The following EVL variants were observed in gnomAD, a reference collection of about 807,000 sequenced individuals.
EVL encodes the protein Enah/Vasp-like, also known as ena/VASP-like protein.
Under a neutral mutation model 59.6 loss-of-function variants are expected in EVL, and 21 were observed. The ratio of observed to expected loss-of-function variants is 0.35; its 90% CI spans 0.25 to 0.51. The LOEUF is 0.51. Among genes scored for constraint, EVL ranks in the 20% least tolerant of loss-of-function variants. EVL has a pLI of 0.97. For synonymous variants in EVL, 198 were observed against 203.5 expected (o/e 0.97, Z 0.23); for missense variants, 462 against 546.6 (o/e 0.85, Z 1.54).
At chr14:99,983,140 T>C (rs2060818608) in intron 1 of EVL, among the ~76,000 whole-genome samples, 1 of 152,220 alleles carries the variant, frequency 6.6e-6, no homozygotes, top group South Asian at 2.1e-4. Context: ...TGCCCTTTTG[T>C]CAGATGACTA....
At chr14:100,003,616 C>T (rs1465097991) in intron 1 of EVL, among the ~76,000 whole-genome samples, 1 of 152,044 alleles carries the variant, frequency 6.6e-6, no homozygotes, top group Non-Finnish European at 1.5e-5. Flanking sequence ...GGGGTTTCAC[C>T]ATGTTGGCCA....
chr14:100,091,115 T>A (rs61984514), intron 2 of EVL, among the ~76,000 whole-genome samples: 1 of 152,182 alleles, frequency 6.6e-6, no homozygotes, highest in Non-Finnish European at 1.5e-5. Flanking sequence ...CCAGAGCCCT[T>A]ATTAGAATGT....
intron 3 of EVL, among the ~76,000 whole-genome samples, chr14:100,104,992 C>T (rs1040694403): frequency 1.5e-5 from 2 of 136,994 alleles, no homozygotes; most frequent in African/African-American, 5.5e-5. Context: ...TCACAGAGGG[C>T]TTTGTAGAGC....
intron 2 of EVL, among the ~76,000 whole-genome samples, chr14:100,094,141 A>AGTC (rs58398613): frequency 0.045 from 6,852 of 152,214 alleles, 450 homozygotes; most frequent in African/African-American, 0.14. Flanking sequence ...AAAATCACGA[A>AGTC]GTCCTCGGCT....
In EVL at chr14:100,085,184, A is replaced by G. The variant is rs568493576; in HGVS notation, c.180+329A>G. On this transcript the variant is annotated intron_variant, in intron 2 of 13. Coordinates refer to ENST00000392920, the MANE Select transcript of EVL (RefSeq NM_016337.3). ...AATATTGCAAAAATGTGTTCATCTT[A>G]TTCATATGTAAGGTAGCTATTAAGA... 16 of 198,370 alleles carry G rather than the reference A, an allele frequency of 8.1e-5. No individual in the cohort carries two copies. In the South Asian group the frequency reaches 2.1e-3, roughly 26 times the overall value. The allele number at this position is 198,370 out of a possible 1,614,324, so 12.3% of individuals were successfully genotyped here.
chr14:100,111,168 T>A (rs1245451628), intron 3 of EVL, among the ~76,000 whole-genome samples: 2 of 148,312 alleles, frequency 1.3e-5, no homozygotes, highest in Non-Finnish European at 3.0e-5. Context: ...TTTTTTTTTT[T>A]TTTTTGTGAT....
chr14:99,983,839 T>C (rs2060823743), intron 1 of EVL, among the ~76,000 whole-genome samples: 1 of 152,210 alleles, frequency 6.6e-6, no homozygotes. Flanking sequence ...TTAGCCTAGC[T>C]GAGGGCCCTT....
chr14:100,019,582 T>A, intron 1 of EVL: 1 of 1,270,040 alleles, frequency 7.9e-7, no homozygotes, highest in East Asian at 2.7e-5. Context: ...TTCTGCACTT[T>A]GCACCATCTG....
chr14:99,985,600 T>C (rs2060834780), intron 1 of EVL, among the ~76,000 whole-genome samples: 1 of 151,634 alleles, frequency 6.6e-6, no homozygotes, highest in Admixed American at 6.6e-5. Flanking sequence ...AAACCCCGTC[T>C]CTACTTAAAA....
intron 2 of EVL, among the ~76,000 whole-genome samples, chr14:100,088,971 A>G (rs2062505974): frequency 6.6e-6 from 1 of 152,262 alleles, no homozygotes; most frequent in South Asian, 2.1e-4. Flanking sequence ...TAAACCTTAC[A>G]AACACCAAAA....
chr14:100,138,118 A>G, intron 11 of EVL: 1 of 471,734 alleles, frequency 2.1e-6, no homozygotes, highest in Non-Finnish European at 3.8e-6. Context: ...GACCTCTCCA[A>G]GCCTCTGTTT....
In EVL at chr14:100,127,519, G is replaced by T. The variant is rs770945733; in HGVS notation, c.487+748G>T. ...CTGCTGGCCTCCTGCTCCCCGGCCA[G>T]TCTGCATTTCTGATGCAGGTCTGAC... On this transcript the variant is annotated intron_variant, in intron 5 of 13. Transcript: ENST00000392920. This position sits in a 1 kb window ranked among gnomAD's most constrained non-coding sequence, Gnocchi z 4.2. Among the ~76,000 whole-genome samples, 10 of 152,142 alleles carry T rather than the reference G, an allele frequency of 6.6e-5. No homozygotes were observed. The highest frequency in any genetic ancestry group is 8.8e-5 in the Non-Finnish European group (6 of 68,032).
intron 1 of EVL, among the ~76,000 whole-genome samples, chr14:100,010,049 G>A (rs2061006505): frequency 6.6e-6 from 1 of 152,148 alleles, no homozygotes; most frequent in Non-Finnish European, 1.5e-5. Flanking sequence ...GACTTAAAAG[G>A]GTGCCTGGCT....
intron 1 of EVL, among the ~76,000 whole-genome samples, chr14:100,026,689 ATCT>A (rs1324890599): frequency 6.6e-6 from 1 of 152,158 alleles, no homozygotes; most frequent in Non-Finnish European, 1.5e-5. Flanking sequence ...TTTCTCTCAC[ATCT>A]TCTTCTCTAC....
chr14:99,990,117 G>C lies in EVL; in HGVS notation c.5+18060G>C, dbSNP rs373610439. On this transcript the variant is annotated intron_variant, in intron 1 of 13. Coordinates refer to the EVL transcript ENST00000402714. ...AACATGGTCAGAGTCATCCATGAAG[G>C]CTGGAGTCAGCTTTTTCCAAATTCC... is the stretch of plus-strand genomic sequence containing the variant. 2.6e-5 allele frequency among the ~76,000 whole-genome samples: 4 copies of C among 152,256 alleles called. No individual in the cohort carries two copies. In the East Asian group the frequency reaches 7.7e-4, roughly 29 times the overall value.
intron 1 of EVL, among the ~76,000 whole-genome samples, chr14:99,994,706 G>T (rs1261542343): frequency 6.6e-6 from 1 of 151,968 alleles, no homozygotes; most frequent in Non-Finnish European, 1.5e-5. Context: ...AATACTATAG[G>T]ATTCTATATT....
At chr14:100,105,358 G>C (rs750448053) in intron 3 of EVL, among the ~76,000 whole-genome samples, 4 of 152,040 alleles carry the variant, frequency 2.6e-5, no homozygotes, top group Non-Finnish European at 4.4e-5. Flanking sequence ...CCCAATTCTA[G>C]CCTTCCAGAC....
chr14:100,049,531 G>A (rs1312364523), intron 1 of EVL, among the ~76,000 whole-genome samples: 1 of 152,088 alleles, frequency 6.6e-6, no homozygotes, highest in African/African-American at 2.4e-5. Flanking sequence ...TCAGAATGTG[G>A]GATGGTTTTC....
chr14:100,136,023 G>A (rs529984616), intron 9 of EVL, 55 bp downstream of exon 9: 4 of 1,595,950 alleles, frequency 2.5e-6, no homozygotes, highest in Non-Finnish European at 3.4e-6. Context: ...AGAGTGGGAG[G>A]GGGGACCCTT....
Sources: gnomAD v4.1 joint callset for allele counts (sites outside exome capture counted in the v4.1 genomes callset) on GRCh38, gnomAD v4.1.1 for gene constraint, Gnocchi (gnomAD v3.1) non-coding constraint, MANE v1.5 for transcripts, NCBI Gene and HGNC (gene_info 2026-07-23, HGNC 2026-07-21) for gene names.